The following MEGF6 variants were observed in gnomAD, a reference collection of about 807,000 sequenced individuals.
The protein encoded by MEGF6 is multiple EGF like domains 6.
In MEGF6, 184 loss-of-function variants were observed where a neutral mutation model predicts 207.1. That is an observed-to-expected ratio of 0.89 (90% CI 0.79 to 1.00). The LOEUF is 1.00. Among genes scored for constraint, MEGF6 ranks in the 50% least tolerant of loss-of-function variants. The probability of loss-of-function intolerance (pLI) is 0.00; values close to 1 mark genes in which losing one functional copy is unlikely to be tolerated. For synonymous variants in MEGF6, 1,038 were observed against 910.0 expected (o/e 1.14, Z -2.53); for missense variants, 2,282 against 2,202.9 (o/e 1.04, Z -0.72).
At chr1:3,527,326 C>T (rs937477546) in intron 4 of MEGF6, among the ~76,000 whole-genome samples, 1 of 152,230 alleles carries the variant, frequency 6.6e-6, no homozygotes, top group Non-Finnish European at 1.5e-5. Flanking sequence ...CTATGGAAAC[C>T]CTGCTGCCCA....
In MEGF6 at chr1:3,488,352, T is replaced by A. The variant is rs1352499078; in HGVS notation, c.*2176A>T. ...GTCTTCACTGAGCGGGATGAGTGAT[T>A]GGTACCTGCCAGGCCCCCCGTCCAC... On this transcript the variant is annotated 3_prime_UTR_variant, in exon 37 of 37. Transcript: ENST00000356575. Among the ~76,000 whole-genome samples, 2 of 152,182 alleles carry A rather than the reference T, an allele frequency of 1.3e-5. No individual in the cohort carries two copies. Among genetic ancestry groups the A allele is most frequent in the African/African-American group, 2.4e-5 (1 of 41,446 alleles).
chr1:3,574,254 G>A (rs1469557036), intron 4 of MEGF6, among the ~76,000 whole-genome samples: 3 of 152,024 alleles, frequency 2.0e-5, no homozygotes, highest in South Asian at 2.1e-4. Flanking sequence ...CCATCTCACC[G>A]AGAGAGGCCG....
chr1:3,594,664 C>G lies in MEGF6; in HGVS notation c.376+674G>C, dbSNP rs1419803346. On this transcript the variant is annotated intron_variant, in intron 3 of 36. Transcript: ENST00000356575. This position sits in a 1 kb window ranked among gnomAD's most constrained non-coding sequence, Gnocchi z 4.2. ...GGGCTTCTGTCCCCATGCCTGAAAC[C>G]CTTCCCAAACATCTCTGTAGCTGTG... is the stretch of plus-strand genomic sequence containing the variant. 2.0e-5 allele frequency among the ~76,000 whole-genome samples: 3 copies of G among 152,114 alleles called. No homozygotes were observed. Among genetic ancestry groups the G allele is most frequent in the Non-Finnish European group, 2.9e-5 (2 of 68,018 alleles).
intron 26 of MEGF6, 144 bp from the exon 27 acceptor site, chr1:3,497,505 G>C: frequency 4.4e-6 from 5 of 1,138,538 alleles, no homozygotes; most frequent in Non-Finnish European, 6.1e-6. Flanking sequence ...CTCACACCTG[G>C]AGCCCCCCGC....
At chr1:3,590,502 G>T (rs773369486) in intron 3 of MEGF6, among the ~76,000 whole-genome samples, 1 of 152,230 alleles carries the variant, frequency 6.6e-6, no homozygotes, top group Admixed American at 6.5e-5. Flanking sequence ...CCACCGCCCC[G>T]CCCGGCACTA....
chr1:3,565,564 T>C lies in MEGF6; in HGVS notation c.481+14261A>G, dbSNP rs1421530592. Among the ~76,000 whole-genome samples, 1 of 152,154 alleles carries C rather than the reference T, an allele frequency of 6.6e-6. No individual in the cohort carries two copies. Among genetic ancestry groups the C allele is most frequent in the Non-Finnish European group, 1.5e-5 (1 of 68,008 alleles). On this transcript the variant is annotated intron_variant, in intron 4 of 36. Transcript: ENST00000356575. The surrounding 1 kb of genome is among the most constrained non-coding windows in gnomAD (Gnocchi z 4.8). ...GGAGGACGCTTCGTGCGGGGCTGCCTGGCCTGGCCCTGGACGGTCCCCATG... is the reference window on the plus strand; with the variant it reads ...GGAGGACGCTTCGTGCGGGGCTGCCCGGCCTGGCCCTGGACGGTCCCCATG...
intron 4 of MEGF6, among the ~76,000 whole-genome samples, chr1:3,561,040 C>A (rs947694687): frequency 6.6e-6 from 1 of 152,190 alleles, no homozygotes; most frequent in African/African-American, 2.4e-5. Context: ...TGAAGGTTCT[C>A]CCCCAAGTCT....
upstream of MEGF6, among the ~76,000 whole-genome samples, chr1:3,612,873 G>A (rs768649789): frequency 2.0e-5 from 3 of 152,302 alleles, no homozygotes; most frequent in South Asian, 2.1e-4. Context: ...GTGGGTGGCC[G>A]TCTGGCCAGC....
upstream of MEGF6, among the ~76,000 whole-genome samples, chr1:3,611,721 G>A (rs1402543110): frequency 3.6e-4 from 14 of 38,830 alleles, no homozygotes; most frequent in Admixed American, 3.5e-3. Flanking sequence ...TTCCAGCCCC[G>A]CCCCTAGCCC....
intron 35 of MEGF6, 144 bp downstream of exon 35, chr1:3,492,495 C>G (rs1640413625): frequency 2.6e-6 from 3 of 1,147,070 alleles, no homozygotes; most frequent in Non-Finnish European, 2.5e-6. Context: ...CGGGTGGGGA[C>G]AGATGACATT....
At chr1:3,509,815 T>C (rs1641266334) in intron 11 of MEGF6, 55 bp downstream of exon 11, 1 of 1,497,150 alleles carries the variant, frequency 6.7e-7, no homozygotes, top group Non-Finnish European at 8.9e-7. Context: ...CAGGGTCAGC[T>C]GGGGCAAACT....
chr1:3,499,561 C>T (rs1054788681), intron 23 of MEGF6, 27 bp downstream of exon 23: 2 of 1,561,182 alleles, frequency 1.3e-6, no homozygotes, highest in Non-Finnish European at 1.7e-6. Flanking sequence ...CCTGCAGCAC[C>T]CCGGGCTGAG....
intron 4 of MEGF6, among the ~76,000 whole-genome samples, chr1:3,577,486 T>C (rs745979592): frequency 5.3e-5 from 8 of 152,352 alleles, no homozygotes; most frequent in Non-Finnish European, 1.2e-4. Flanking sequence ...CTGGGTCTCC[T>C]CAACCTTGCT....
chr1:3,579,770 C>T, intron 4 of MEGF6, 55 bp downstream of exon 4: 1 of 1,321,538 alleles, frequency 7.6e-7, no homozygotes, highest in East Asian at 2.9e-5. Context: ...ATCCTCGCCC[C>T]TTGCCCACAG....
intron 2 of MEGF6, among the ~76,000 whole-genome samples, chr1:3,595,727 C>A (rs1463140063): frequency 6.6e-6 from 1 of 152,198 alleles, no homozygotes; most frequent in Non-Finnish European, 1.5e-5. Flanking sequence ...CCCTGCCTGG[C>A]CCCCTCCCTC....
chr1:3,602,873 A>AG (rs1644183305), intron 1 of MEGF6, among the ~76,000 whole-genome samples: 1 of 152,170 alleles, frequency 6.6e-6, no homozygotes, highest in African/African-American at 2.4e-5. Flanking sequence ...ACCTTGCAAC[A>AG]CAGCCACCAA....
rs151138447 is a variant in MEGF6, at chr1:3,601,035, C to G, written c.266+1431G>C. ...GAGGGGATCCCCTGCCAGTGCCCCC[C>G]CCTCCAAGCAGGGGGACTTTGTCCA... On this transcript the variant is annotated intron_variant, in intron 2 of 36. Transcript: ENST00000356575. 7.9e-5 allele frequency among the ~76,000 whole-genome samples: 12 copies of G among 152,278 alleles called. No individual in the cohort carries two copies. In the East Asian group the frequency reaches 9.7e-4, roughly 12 times the overall value.
the MEGF6 span, among the ~76,000 whole-genome samples, chr1:3,617,859 G>C: frequency 7.8e-3 from 1,192 of 152,296 alleles, 14 homozygotes; most frequent in Middle Eastern, 0.024. Context: ...AAGGGGAACC[G>C]GGGGTTGCTG....
chr1:3,507,427 A>C (rs1569989242), intron 14 of MEGF6, among the ~76,000 whole-genome samples: 1 of 152,110 alleles, frequency 6.6e-6, no homozygotes, highest in South Asian at 2.1e-4. Context: ...CCTTCTGCAA[A>C]CCTCACCCAG....
Sources: gnomAD v4.1 joint callset for allele counts (sites outside exome capture counted in the v4.1 genomes callset) on GRCh38, gnomAD v4.1.1 for gene constraint, Gnocchi (gnomAD v3.1) non-coding constraint, MANE v1.5 for transcripts, NCBI Gene and HGNC (gene_info 2026-07-23, HGNC 2026-07-21) for gene names.